Variants in NSUN4 observed in about 807,000 individuals in gnomAD.
NSUN4 encodes the protein 5-cytosine rRNA methyltransferase NSUN4.
NSUN4 carries 31 observed loss-of-function variants against 43.8 expected under a neutral mutation model. The observed-to-expected ratio is 0.71, with a 90% CI of 0.53 to 0.96. The LOEUF is 0.96. Among genes scored for constraint, NSUN4 ranks in the 40% least tolerant of loss-of-function variants. The probability of loss-of-function intolerance (pLI) is 0.00; values close to 1 mark genes in which losing one functional copy is unlikely to be tolerated. For missense variants in NSUN4, 439 were observed against 475.6 expected (o/e 0.92, Z 0.72); for synonymous variants, 167 against 184.1 (o/e 0.91, Z 0.75).
the NSUN4 span, among the ~76,000 whole-genome samples, chr1:46,377,624 G>T: frequency 6.6e-6 from 1 of 152,210 alleles, no homozygotes; most frequent in Non-Finnish European, 1.5e-5. Context: ...TGAAAAATAT[G>T]TAGCTCTCAT....
chr1:46,342,190 C>G (rs748268474), intron 1 of NSUN4: 3 of 400,150 alleles, frequency 7.5e-6, no homozygotes, highest in Non-Finnish European at 1.3e-5. Flanking sequence ...CACTGGTTCT[C>G]AGGGAGAAGT....
intron 1 of NSUN4, chr1:46,343,486 C>T: frequency 2.5e-6 from 1 of 399,580 alleles, no homozygotes; most frequent in Non-Finnish European, 4.4e-6. Context: ...AGCACCAATC[C>T]CAGCTGTAGT....
intron 1 of NSUN4, chr1:46,342,557 G>C (rs1453671254): frequency 5.0e-6 from 2 of 399,206 alleles, no homozygotes; most frequent in African/African-American, 4.1e-5. Flanking sequence ...AGGCAACTGG[G>C]AACTCTTACC....
In NSUN4 at chr1:46,363,553, A is replaced by G. The variant is rs1664006270; in HGVS notation, c.*1707A>G. ...AGAGAACTACTTTGGAAAACAGTTT[A>G]TCTGCTGTAATTGAACATTCAGCTA... On this transcript the variant is annotated 3_prime_UTR_variant, in exon 6 of 6. Coordinates refer to ENST00000474844, the MANE Select transcript of NSUN4 (RefSeq NM_199044.4). 6.6e-6 allele frequency: 1 copy of G among 152,272 alleles called. No individual in the cohort carries two copies. The highest frequency in any genetic ancestry group is 2.1e-4 in the South Asian group (1 of 4,838). 9.4% of individuals were successfully genotyped at this position (152,272 alleles called of 1,614,324 possible).
chr1:46,342,857 C>G (rs948671857), intron 1 of NSUN4: 1 of 400,000 alleles, frequency 2.5e-6, no homozygotes. Flanking sequence ...AGCCCAAGCC[C>G]GCTAAGGCCC....
intron 4 of NSUN4, among the ~76,000 whole-genome samples, chr1:46,356,508 C>T (rs111479887): frequency 0.21 from 31,372 of 151,770 alleles, 3,953 homozygotes; most frequent in Non-Finnish European, 0.29. Context: ...CTGGCTAACA[C>T]GGTGAAACCC....
rs1190351041 is a variant in NSUN4, at chr1:46,363,474, C to T, written c.*1628C>T. ...TGGTAATTCAAAATGAGAGGGTCCC[C>T]TGCCTCTAGAGTCATCATCTAATTG... On this transcript the variant is annotated 3_prime_UTR_variant, in exon 6 of 6. Coordinates refer to ENST00000474844, the MANE Select transcript of NSUN4 (RefSeq NM_199044.4). 6.6e-6 allele frequency: 1 copy of T among 152,170 alleles called. No homozygotes were observed. The highest frequency in any genetic ancestry group is 1.5e-5 in the Non-Finnish European group (1 of 68,026). The allele number at this position is 152,170 out of a possible 1,614,324, so 9.4% of individuals were successfully genotyped here.
chr1:46,362,214 G>C lies in NSUN4; in HGVS notation c.*368G>C. The C allele has an allele frequency of 4.2e-6, 1 of 238,626 alleles. No individual in the cohort carries two copies. The highest frequency in any genetic ancestry group is 8.2e-6 in the Non-Finnish European group (1 of 121,928). 14.8% of individuals were successfully genotyped at this position (238,626 alleles called of 1,614,324 possible). A position where few individuals can be genotyped will look rare whatever the true frequency, so the allele number is the denominator to read the frequency against. On this transcript the variant is annotated 3_prime_UTR_variant, in exon 6 of 6. Transcript: ENST00000474844. ...CTATAGACCTGGGGCTGCAGTTGGGGACTTCATGTCAGTGCAAATGCCATT... is the reference window on the plus strand; with the variant it reads ...CTATAGACCTGGGGCTGCAGTTGGGCACTTCATGTCAGTGCAAATGCCATT...
intron 5 of NSUN4, 102 bp downstream of exon 5, chr1:46,360,930 A>G: frequency 7.7e-7 from 1 of 1,301,658 alleles, no homozygotes; most frequent in Non-Finnish European, 1.1e-6. Flanking sequence ...CAAGAATCTT[A>G]TGGCTGGAGA....
At position 46,361,253 on chromosome 1, in the gene NSUN4, T is replaced by C. The variant is rs113729119; in HGVS notation, c.879-317T>C. ...CTATTTCATCCTCAGTACCAGTGAG[T>C]AGCACATGTTTGAAAAATAGCTGCT... is the stretch of plus-strand genomic sequence containing the variant. On this transcript the variant is annotated intron_variant, in intron 5 of 5. Transcript: ENST00000474844. Among the ~76,000 whole-genome samples the C allele has an allele frequency of 1.1e-3, 164 of 152,214 alleles. 1 individual carries two copies. The highest frequency in any genetic ancestry group is 3.7e-3 in the African/African-American group (152 of 41,542).
At chr1:46,384,414 T>C in the NSUN4 span, among the ~76,000 whole-genome samples, 1 of 152,168 alleles carries the variant, frequency 6.6e-6, no homozygotes, top group Non-Finnish European at 1.5e-5. Context: ...TTTATGAGCC[T>C]CTGCACCAAC....
downstream of NSUN4, among the ~76,000 whole-genome samples, chr1:46,368,844 G>T (rs1159478163): frequency 6.6e-6 from 1 of 152,156 alleles, no homozygotes; most frequent in Non-Finnish European, 1.5e-5. Flanking sequence ...CTTGAAGCCA[G>T]AAGTTTGAGA....
Position 46,353,048 on chromosome 1 carries a change from G to A in NSUN4, c.753+20G>A, listed in dbSNP as rs35840736. On this transcript the variant is annotated intron_variant, in intron 4 of 5. Transcript: ENST00000474844. ...GACCGGGTGAGTGATTCTTGATTTA[G>A]GACATGCATCCAGCTTAATGCGGCC... The A allele has an allele frequency of 6.2e-7, 1 of 1,612,880 alleles. No homozygotes were observed. The highest frequency in any genetic ancestry group is 8.5e-7 in the Non-Finnish European group (1 of 1,179,064).
chr1:46,382,012 A>G, the NSUN4 span, among the ~76,000 whole-genome samples: 82 of 152,356 alleles, frequency 5.4e-4, no homozygotes, highest in African/African-American at 1.8e-3. Context: ...CAAGGCCCTC[A>G]GGCTGGGATT....
At chr1:46,358,512 C>T (rs1329683560) in intron 4 of NSUN4, among the ~76,000 whole-genome samples, 1 of 148,978 alleles carries the variant, frequency 6.7e-6, no homozygotes, top group Non-Finnish European at 1.5e-5. Context: ...AGCGATTCTT[C>T]TGCCTCAGCC....
chr1:46,383,648 G>A, the NSUN4 span, among the ~76,000 whole-genome samples: 1 of 151,466 alleles, frequency 6.6e-6, no homozygotes, highest in African/African-American at 2.4e-5. Flanking sequence ...GTAGAGGCGG[G>A]GTTTCACTGT....
chr1:46,360,241 AAAAAAAAAAT>A (rs1424137007), intron 4 of NSUN4, among the ~76,000 whole-genome samples: 1 of 40,542 alleles, frequency 2.5e-5, no homozygotes, highest in African/African-American at 7.9e-5. Context: ...AAAAAAAAAA[AAAAAAAAAAT>A]ATATATATAT....
chr1:46,341,459 C>A (rs1442971096), intron 1 of NSUN4: 1 of 1,015,392 alleles, frequency 9.8e-7, no homozygotes. Flanking sequence ...GTTACAGCGA[C>A]CACCCTGTCC....
chr1:46,376,184 G>A, the NSUN4 span, among the ~76,000 whole-genome samples: 1 of 151,214 alleles, frequency 6.6e-6, no homozygotes, highest in Non-Finnish European at 1.5e-5. Context: ...GAGGTGGGTG[G>A]ACCACCTGAG....
Sources: gnomAD v4.1 joint callset for allele counts (sites outside exome capture counted in the v4.1 genomes callset) on GRCh38, gnomAD v4.1.1 for gene constraint, MANE v1.5 for transcripts, NCBI Gene and HGNC (gene_info 2026-07-23, HGNC 2026-07-21) for gene names.